Variants in IQCF3 observed in about 807,000 individuals in gnomAD.
The protein encoded by IQCF3 is IQ domain-containing protein F3.
A neutral mutation model predicts 5.1 loss-of-function variants in IQCF3; 7 were observed. That is an observed-to-expected ratio of 1.36 (90% CI 0.78 to 2.56). The LOEUF (loss-of-function observed/expected upper bound fraction) is 2.56. IQCF3 is among the 30% of genes most tolerant of loss of function. The pLI is 0.00. For synonymous variants in IQCF3, 82 were observed against 72.8 expected (o/e 1.13, Z -0.64); for missense variants, 189 against 196.5 (o/e 0.96, Z 0.23).
Position 51,830,522 on chromosome 3 carries a change from G to A in IQCF3, c.186G>A (p.Met62Ile). 6.2e-7 allele frequency: 1 copy of A among 1,614,010 alleles called. No individual in the cohort carries two copies. Among genetic ancestry groups the A allele is most frequent in the South Asian group, 1.1e-5 (1 of 91,074 alleles). ...TGGTTGCTGCCCTCAGGGCCTGGAT[G>A]ATTCAGTGCTGGTGGAGGACGTTGG... Reference protein sequence around the residue: ...TLLVAALRAWMIQCWWRTLVQ... With the variant: ...TLLVAALRAWIIQCWWRTLVQ... Residue 62 changes from methionine to isoleucine, a missense_variant, in exon 3 of 3, where the codon ATG (methionine) becomes ATA (isoleucine). Coordinates refer to ENST00000440739, the MANE Select transcript of IQCF3 (RefSeq NM_001393887.1). The surrounding 1 kb of genome is among the most constrained non-coding windows in gnomAD (Gnocchi z 4.1).
Position 51,830,651 on chromosome 3 carries a change from C to A in IQCF3, c.315C>A (p.Cys105Ter). 1.9e-6 allele frequency: 3 copies of A among 1,614,022 alleles called. No homozygotes were observed. The highest frequency in any genetic ancestry group is 2.5e-6 in the Non-Finnish European group (3 of 1,179,894). ...KLQSCIRMWQ[C>*]RQCYRQMCNA... ...AGTCCTGCATCCGCATGTGGCAGTG[C>A]CGGCAATGTTACCGCCAAATGTGCA... Residue 105 changes from cysteine to a stop codon, truncating the protein, a stop_gained, in exon 3 of 3, where the codon TGC (cysteine) becomes TGA (stop). Coordinates refer to ENST00000440739, the MANE Select transcript of IQCF3 (RefSeq NM_001393887.1). LOFTEE classifies it low-confidence loss of function (END_TRUNC). This position sits in a 1 kb window ranked among gnomAD's most constrained non-coding sequence, Gnocchi z 4.1.
Position 51,830,386 on chromosome 3 carries a change from C to A in IQCF3, c.67-17C>A. The A allele has an allele frequency of 6.6e-7, 1 of 1,523,988 alleles. No individual in the cohort carries two copies. The highest frequency in any genetic ancestry group is 1.3e-5 in the South Asian group (1 of 75,934). 94.4% of individuals were successfully genotyped at this position (1,523,988 alleles called of 1,614,324 possible). On this transcript the variant is annotated splice_polypyrimidine_tract_variant and intron_variant, in intron 2 of 2. Coordinates refer to ENST00000440739, the MANE Select transcript of IQCF3 (RefSeq NM_001393887.1). This position sits in a 1 kb window ranked among gnomAD's most constrained non-coding sequence, Gnocchi z 4.1. ...TGGTGATAAATTCACTGGGAGTCCTCTGCTTTGCTTGGCCAGTTGCTTCTT... is the reference window on the plus strand; with the variant it reads ...TGGTGATAAATTCACTGGGAGTCCTATGCTTTGCTTGGCCAGTTGCTTCTT...
intron 1 of IQCF3, 50 bp from the exon 2 acceptor site, chr3:51,829,615 G>A (rs777805886): frequency 1.2e-6 from 2 of 1,608,000 alleles, no homozygotes; most frequent in South Asian, 1.1e-5. Context: ...GGACTTTGCA[G>A]TCAGGCTGGT....
Position 51,830,826 on chromosome 3 carries a change from C to T in IQCF3, c.*25C>T. 6.5e-7 allele frequency: 1 copy of T among 1,532,318 alleles called. No homozygotes were observed. The highest frequency in any genetic ancestry group is 8.8e-7 in the Non-Finnish European group (1 of 1,139,368). 94.9% of individuals were successfully genotyped at this position (1,532,318 alleles called of 1,614,324 possible). A position where few individuals can be genotyped will look rare whatever the true frequency, so the allele number is the denominator to read the frequency against. On this transcript the variant is annotated 3_prime_UTR_variant, in exon 3 of 3. Coordinates refer to ENST00000440739, the MANE Select transcript of IQCF3 (RefSeq NM_001393887.1). This position sits in a 1 kb window ranked among gnomAD's most constrained non-coding sequence, Gnocchi z 4.1. ...AAAGGCCTGGGGCATGGAGAACAGG[C>T]TGCACTACCCTAATAAATGTCTGAC...
Position 51,830,337 on chromosome 3 carries a change from C to T in IQCF3, c.67-66C>T. ...AAAACCAGCAGGGAGAGGGCTGATT[C>T]TTTAGAGAACCACCTGTGCTTGATG... On this transcript the variant is annotated intron_variant, in intron 2 of 2. Coordinates refer to ENST00000440739, the MANE Select transcript of IQCF3 (RefSeq NM_001393887.1). This position sits in a 1 kb window ranked among gnomAD's most constrained non-coding sequence, Gnocchi z 4.1. 1 of 1,505,996 alleles carries T rather than the reference C, an allele frequency of 6.6e-7. No individual in the cohort carries two copies. Among genetic ancestry groups the T allele is most frequent in the Non-Finnish European group, 8.9e-7 (1 of 1,127,356 alleles). 93.3% of individuals were successfully genotyped at this position (1,505,996 alleles called of 1,614,324 possible).
chr3:51,830,325 A>C lies in IQCF3; in HGVS notation c.67-78A>C. The C allele has an allele frequency of 6.7e-7, 1 of 1,490,074 alleles. No individual in the cohort carries two copies. The highest frequency in any genetic ancestry group is 1.4e-5 in the South Asian group (1 of 72,558). 92.3% of individuals were successfully genotyped at this position (1,490,074 alleles called of 1,614,324 possible). A position where few individuals can be genotyped will look rare whatever the true frequency, so the allele number is the denominator to read the frequency against. Reference sequence around the variant, plus strand: ...TCCTGGGTCCTCAAAACCAGCAGGGAGAGGGCTGATTCTTTAGAGAACCAC... The same window carrying C: ...TCCTGGGTCCTCAAAACCAGCAGGGCGAGGGCTGATTCTTTAGAGAACCAC... On this transcript the variant is annotated intron_variant, in intron 2 of 2. Coordinates refer to ENST00000440739, the MANE Select transcript of IQCF3 (RefSeq NM_001393887.1). The surrounding 1 kb of genome is among the most constrained non-coding windows in gnomAD (Gnocchi z 4.1).
rs1698358485 is a variant in IQCF3 at position 51,830,683 on chromosome 3, T to C, written c.347T>C (p.Leu116Pro). The C allele has an allele frequency of 6.2e-7, 1 of 1,614,062 alleles. No individual in the cohort carries two copies. Among genetic ancestry groups the C allele is most frequent in the Non-Finnish European group, 8.5e-7 (1 of 1,179,900 alleles). ...RQCYRQMCNA[L>P]CLFQVPESSL... ...TGTTACCGCCAAATGTGCAATGCTC[T>C]CTGCTTGTTCCAGGTCCCAGAGAGC... is the stretch of plus-strand genomic sequence containing the variant. Residue 116 changes from leucine to proline, a missense_variant, in exon 3 of 3, where the codon CTC becomes CCC. Leu to Pro is a moderately conservative substitution (Grantham distance 98, BLOSUM62 -3). Coordinates refer to ENST00000440739, the MANE Select transcript of IQCF3 (RefSeq NM_001393887.1). This position sits in a 1 kb window ranked among gnomAD's most constrained non-coding sequence, Gnocchi z 4.1.
In IQCF3 at chr3:51,829,508, C is replaced by T. The variant is rs1437324290; in HGVS notation, c.18+15C>T. ...GTAAATGCTGTGTAAGACTCAGGCA[C>T]ACAAACTCCCCCAGGGGTGGGAGTT... On this transcript the variant is annotated intron_variant, in intron 1 of 2. Coordinates refer to ENST00000440739, the MANE Select transcript of IQCF3 (RefSeq NM_001393887.1). 3 of 1,597,384 alleles carry T rather than the reference C, an allele frequency of 1.9e-6. No homozygotes were observed. Among genetic ancestry groups the T allele is most frequent in the African/African-American group, 1.3e-5 (1 of 74,590 alleles).
At chr3:51,829,787 C>A in intron 2 of IQCF3, 75 bp downstream of exon 2, 1 of 1,434,232 alleles carries the variant, frequency 7.0e-7, no homozygotes, top group Non-Finnish European at 9.7e-7. Context: ...GAATGGAGAT[C>A]CATCTCTGGC....
intron 1 of IQCF3, 63 bp from the exon 2 acceptor site, chr3:51,829,601 GT>G: frequency 6.2e-7 from 1 of 1,602,090 alleles, no homozygotes; most frequent in South Asian, 1.1e-5. Context: ...AACTGGGCCT[GT>G]GGGGACTTTG....
At chr3:51,827,815 C>T (rs950360322), upstream of IQCF3, among the ~76,000 whole-genome samples, 1 of 152,086 alleles carries the variant, frequency 6.6e-6, no homozygotes, top group African/African-American at 2.4e-5. Flanking sequence ...CCTCCTCCCA[C>T]CCTCCACCCT....
In IQCF3 at chr3:51,830,571, C is replaced by G; in HGVS notation, c.235C>G (p.Arg79Gly). The G allele has an allele frequency of 1.2e-6, 2 of 1,613,808 alleles. No individual in the cohort carries two copies. The highest frequency in any genetic ancestry group is 1.7e-6 in the Non-Finnish European group (2 of 1,179,776). ...TLVQRRIRQR[R>G]QALLRVYVIQ... is the part of the protein sequence containing the mutation. The stretch of plus-strand genomic sequence containing the variant: ...GGTGCAGAGACGGATCCGTCAGCGG[C>G]GGCAGGCCCTGTTGAGGGTCTACGT... The change falls in exon 3 of 3, where the codon CGG (arginine) becomes GGG (glycine). Residue 79 changes from arginine to glycine, a missense_variant. Coordinates refer to ENST00000440739, the MANE Select transcript of IQCF3 (RefSeq NM_001393887.1). The surrounding 1 kb of genome is among the most constrained non-coding windows in gnomAD (Gnocchi z 4.1).
upstream of IQCF3, among the ~76,000 whole-genome samples, chr3:51,827,700 G>T (rs1032148104): frequency 2.0e-5 from 3 of 151,826 alleles, no homozygotes; most frequent in Non-Finnish European, 4.4e-5. Flanking sequence ...TATATGTGTA[G>T]GTTTGTTATA....
intron 1 of IQCF3, 27 bp downstream of exon 1, chr3:51,829,520 CA>C (rs1698335408): frequency 3.1e-6 from 5 of 1,596,824 alleles, no homozygotes; most frequent in Non-Finnish European, 2.6e-6. Context: ...CAAACTCCCC[CA>C]GGGGTGGGAG....
chr3:51,829,482 A>C lies in IQCF3; in HGVS notation c.7A>C (p.Ser3Arg). The change falls in exon 1 of 3, where the codon AGT becomes CGT. Residue 3 changes from serine to arginine, a missense_variant. By Grantham distance (110) the Ser-to-Arg change is moderately radical (BLOSUM62 -1). Coordinates refer to ENST00000440739, the MANE Select transcript of IQCF3 (RefSeq NM_001393887.1). MGSKCCKGGPDED... is the reference protein window; with the variant it reads MGRKCCKGGPDED... ...TGAACCACTGCTCCAAACCATGGGC[A>C]GTAAATGCTGTGTAAGACTCAGGCA... 1 of 1,599,078 alleles carries C rather than the reference A, an allele frequency of 6.3e-7. No individual in the cohort carries two copies. The highest frequency in any genetic ancestry group is 1.1e-5 in the South Asian group (1 of 88,114).
chr3:51,829,358 CTGGTCATAGT>C (rs1250709063), upstream of IQCF3: 1 of 1,154,896 alleles, frequency 8.7e-7, no homozygotes, highest in African/African-American at 1.5e-5. Context: ...ACTGTGGCCC[CTGGTCATAGT>C]TGCCTTTGTG....
At chr3:51,827,444 G>C (rs1292915678), upstream of IQCF3, 1 of 152,088 alleles carries the variant, frequency 6.6e-6, no homozygotes, top group Non-Finnish European at 1.5e-5. Context: ...TTGTCTCAGT[G>C]ATGGGAGATT....
Position 51,830,293 on chromosome 3 carries a change from C to A in IQCF3, c.67-110C>A. 2 of 1,275,398 alleles carry A rather than the reference C, an allele frequency of 1.6e-6. No homozygotes were observed. The highest frequency in any genetic ancestry group is 2.2e-6 in the Non-Finnish European group (2 of 926,848). The allele number at this position is 1,275,398 out of a possible 1,614,324, so 79.0% of individuals were successfully genotyped here. A position where few individuals can be genotyped will look rare whatever the true frequency, so the allele number is the denominator to read the frequency against. On this transcript the variant is annotated intron_variant, in intron 2 of 2. Transcript: ENST00000440739. The surrounding 1 kb of genome is among the most constrained non-coding windows in gnomAD (Gnocchi z 4.1). ...GACAGAAGTAGAGGACAAACCCCACCCAGGTCTCCTGGGTCCTCAAAACCA... is the reference window on the plus strand; with the variant it reads ...GACAGAAGTAGAGGACAAACCCCACACAGGTCTCCTGGGTCCTCAAAACCA...
Position 51,829,724 on chromosome 3 carries a change from C to T in IQCF3, c.66+12C>T. 7.4e-6 allele frequency: 12 copies of T among 1,612,822 alleles called. No individual in the cohort carries two copies. The highest frequency in any genetic ancestry group is 1.0e-5 in the Non-Finnish European group (12 of 1,179,278). On this transcript the variant is annotated intron_variant, in intron 2 of 2. Transcript: ENST00000440739. The stretch of plus-strand genomic sequence containing the variant: ...AGAGGCGGCAGAAGGTAGGTGGGGC[C>T]CAGGAGGGTGAGAGAATTGCAGATC...
Sources: allele counts gnomAD v4.1 joint callset (sites outside exome capture counted in the v4.1 genomes callset), GRCh38; gene constraint gnomAD v4.1.1; non-coding constraint Gnocchi (gnomAD v3.1); transcripts MANE v1.5; gene names NCBI Gene and HGNC (gene_info 2026-07-23, HGNC 2026-07-21).